The following PDE3B variants were observed in gnomAD, a reference collection of about 807,000 sequenced individuals.
The protein encoded by PDE3B is phosphodiesterase 3B, also known as cGMP-inhibited 3',5'-cyclic phosphodiesterase 3B.
Under a neutral mutation model 116.8 loss-of-function variants are expected in PDE3B, and 66 were observed. The observed-to-expected ratio is 0.56, with a 90% CI of 0.46 to 0.69. The LOEUF (loss-of-function observed/expected upper bound fraction) is 0.69. Ranked by LOEUF, PDE3B falls within the 30% of genes least tolerant of loss-of-function variation. The pLI, the probability that PDE3B is intolerant of heterozygous loss-of-function variation, is 0.00. For synonymous variants in PDE3B, 595 were observed against 533.6 expected, an observed-to-expected ratio of 1.12 and a Z score of -1.59; for missense variants, 1,384 against 1,368.1, an observed-to-expected ratio of 1.01 and a Z score of -0.18.
intron 1 of PDE3B, among the ~76,000 whole-genome samples, chr11:14,687,405 A>G (rs1380985885): frequency 6.6e-6 from 1 of 152,198 alleles, no homozygotes; most frequent in Admixed American, 6.5e-5. Context: ...TAAAGTATAT[A>G]TTATTAAAAG....
At chr11:14,762,101 G>A (rs1279490021) in intron 1 of PDE3B, among the ~76,000 whole-genome samples, 4 of 151,786 alleles carry the variant, frequency 2.6e-5, no homozygotes, top group African/African-American at 7.3e-5. Context: ...GAGCCCAGGA[G>A]TTTAAGACCA....
At chr11:14,890,555 T>TC in the PDE3B span, 2 of 562,298 alleles carry the variant, frequency 3.6e-6, no homozygotes, top group East Asian at 3.0e-4. Flanking sequence ...TTTTTTTTTT[T>TC]TTTTTTTTTG....
chr11:14,877,945 G>T, the PDE3B span: 1 of 629,760 alleles, frequency 1.6e-6, no homozygotes, highest in South Asian at 2.5e-5. Flanking sequence ...ATAAAATCTT[G>T]AAAAACAATC....
At chr11:14,728,431 T>C (rs2133851271) in intron 1 of PDE3B, among the ~76,000 whole-genome samples, 1 of 152,220 alleles carries the variant, frequency 6.6e-6, no homozygotes, top group East Asian at 1.9e-4. Context: ...GGAGAGGATC[T>C]AAGGGAATCA....
intron 5 of PDE3B, among the ~76,000 whole-genome samples, chr11:14,814,885 C>T (rs1279644647): frequency 1.3e-5 from 2 of 152,006 alleles, no homozygotes; most frequent in African/African-American, 2.4e-5. Context: ...ATGGCATGAA[C>T]CCGGGAGGTG....
chr11:14,848,666 G>A (rs375454353), intron 12 of PDE3B, among the ~76,000 whole-genome samples: 4 of 152,100 alleles, frequency 2.6e-5, no homozygotes, highest in Non-Finnish European at 5.9e-5. Context: ...TCAATGTACA[G>A]AAATCACAAG....
chr11:14,771,340 T>G (rs1012511746), intron 1 of PDE3B, among the ~76,000 whole-genome samples: 2 of 151,658 alleles, frequency 1.3e-5, no homozygotes, highest in Non-Finnish European at 3.0e-5. Flanking sequence ...AAAAGCTTGT[T>G]AGGAAGAAGG....
chr11:14,730,072 CCA>C (rs1294546453), intron 1 of PDE3B, among the ~76,000 whole-genome samples: 1 of 152,136 alleles, frequency 6.6e-6, no homozygotes, highest in Non-Finnish European at 1.5e-5. Context: ...TGCATGGCTA[CCA>C]CCAAAAATGA....
intron 2 of PDE3B, among the ~76,000 whole-genome samples, chr11:14,780,681 T>A (rs1043217189): frequency 9.2e-5 from 14 of 151,624 alleles, no homozygotes; most frequent in African/African-American, 3.4e-4. Context: ...TAGAGGGAAA[T>A]TTATAGCACT....
intron 1 of PDE3B, among the ~76,000 whole-genome samples, chr11:14,770,962 G>A (rs1322881222): frequency 6.6e-6 from 1 of 151,368 alleles, no homozygotes; most frequent in Non-Finnish European, 1.5e-5. Flanking sequence ...ATTTTAAAGG[G>A]TTATAAAACA....
intron 5 of PDE3B, among the ~76,000 whole-genome samples, chr11:14,805,053 G>A (rs1017370071): frequency 6.6e-6 from 1 of 152,114 alleles, no homozygotes; most frequent in African/African-American, 2.4e-5. Flanking sequence ...TAAAATATGT[G>A]TGACTGAAGT....
At chr11:14,725,832 A>G (rs1856290024) in intron 1 of PDE3B, among the ~76,000 whole-genome samples, 1 of 151,582 alleles carries the variant, frequency 6.6e-6, no homozygotes, top group Admixed American at 6.6e-5. Flanking sequence ...GTCCCCATAT[A>G]ATCTGGTATT....
At chr11:14,645,401 A>G (rs1853371094) in intron 1 of PDE3B, among the ~76,000 whole-genome samples, 2 of 152,214 alleles carry the variant, frequency 1.3e-5, no homozygotes, top group Admixed American at 6.5e-5. Flanking sequence ...CGCTTTTGGC[A>G]TCCTCTGATA....
chr11:14,849,285 T>A (rs1233339770), intron 12 of PDE3B, among the ~76,000 whole-genome samples: 7 of 140,160 alleles, frequency 5.0e-5, no homozygotes. Flanking sequence ...GCTAGCCATA[T>A]GTAGAAAGCT....
rs182744463 is a variant in PDE3B, at chr11:14,715,235, C to T, written c.979-56702C>T. ...TTCTTTTGGCTTAGGATTGACTTGG[C>T]GATGCGGGCTCCTTTTTGGTTCCAT... On this transcript the variant is annotated intron_variant, in intron 1 of 15. Transcript: ENST00000282096. Among the ~76,000 whole-genome samples the T allele has an allele frequency of 5.0e-3, 758 of 152,202 alleles. 7 individuals carry two copies. Among genetic ancestry groups the T allele is most frequent in the African/African-American group, 0.017 (726 of 41,502 alleles).
chr11:14,695,329 A>G (rs1213695421), intron 1 of PDE3B, among the ~76,000 whole-genome samples: 1 of 152,036 alleles, frequency 6.6e-6, no homozygotes, highest in Non-Finnish European at 1.5e-5. Flanking sequence ...AATGGACCAC[A>G]ATTTATTTAT....
At chr11:14,880,092 C>A in the PDE3B span, 3 of 1,596,360 alleles carry the variant, frequency 1.9e-6, no homozygotes, top group Non-Finnish European at 2.6e-6. Flanking sequence ...TGTATGAACC[C>A]TACATGTAAG....
chr11:14,836,027 C>CT (rs1174511884), intron 11 of PDE3B, among the ~76,000 whole-genome samples: 1 of 152,152 alleles, frequency 6.6e-6, no homozygotes, highest in Non-Finnish European at 1.5e-5. Flanking sequence ...ACTGATATTA[C>CT]TTTTTACATT....
chr11:14,885,077 T>C, the PDE3B span, among the ~76,000 whole-genome samples: 1 of 152,206 alleles, frequency 6.6e-6, no homozygotes, highest in East Asian at 1.9e-4. Flanking sequence ...TTTTTGCCTA[T>C]GTAAGCAAGA....
Sources: gnomAD v4.1 joint callset for allele counts (sites outside exome capture counted in the v4.1 genomes callset) on GRCh38, gnomAD v4.1.1 for gene constraint, MANE v1.5 for transcripts, NCBI Gene and HGNC (gene_info 2026-07-23, HGNC 2026-07-21) for gene names.